The following ARHGAP26 variants were observed in gnomAD, a reference collection of about 807,000 sequenced individuals.
ARHGAP26 encodes rho GTPase-activating protein 26.
ARHGAP26 carries 38 observed loss-of-function variants against 104.8 expected under a neutral mutation model. The ratio of observed to expected loss-of-function variants is 0.36; its 90% CI spans 0.28 to 0.48. The LOEUF is 0.48. ARHGAP26 is among the 20% of genes least tolerant of loss of function. The pLI is 0.99. For synonymous variants in ARHGAP26, 341 were observed against 340.0 expected, an observed-to-expected ratio of 1.00 and a Z score of -0.03; for missense variants, 704 against 947.9, an observed-to-expected ratio of 0.74 and a Z score of 3.38.
intron 11 of ARHGAP26, among the ~76,000 whole-genome samples, chr5:142,993,198 T>C (rs1310212485): frequency 6.8e-6 from 1 of 146,198 alleles, no homozygotes; most frequent in Non-Finnish European, 1.5e-5. Flanking sequence ...AGTCTCGCTC[T>C]GTCGCCCAGG....
chr5:143,000,965 A>G (rs1389550812), intron 11 of ARHGAP26, among the ~76,000 whole-genome samples: 1 of 152,160 alleles, frequency 6.6e-6, no homozygotes, highest in African/African-American at 2.4e-5. Flanking sequence ...GGATAGGTGC[A>G]GCAAACTAAC....
At chr5:142,934,603 T>A (rs1765158065) in intron 11 of ARHGAP26, among the ~76,000 whole-genome samples, 1 of 152,210 alleles carries the variant, frequency 6.6e-6, no homozygotes, top group Admixed American at 6.5e-5. Flanking sequence ...CCCTAATGAG[T>A]TAAATCTGTC....
chr5:142,815,887 T>G (rs553354131), intron 1 of ARHGAP26, among the ~76,000 whole-genome samples: 52 of 152,104 alleles, frequency 3.4e-4, no homozygotes, highest in Non-Finnish European at 1.0e-4. Flanking sequence ...CTCAACCTCC[T>G]GGGCTCAAGT....
chr5:142,862,847 T>A (rs977986430), intron 1 of ARHGAP26, among the ~76,000 whole-genome samples: 1 of 152,218 alleles, frequency 6.6e-6, no homozygotes, highest in Non-Finnish European at 1.5e-5. Context: ...TTAATCTAAT[T>A]GAGCCAGCAC....
chr5:142,860,213 A>G (rs1161024095), intron 1 of ARHGAP26: 1 of 152,248 alleles, frequency 6.6e-6, no homozygotes, highest in African/African-American at 2.4e-5. Context: ...CAAGACAGCT[A>G]CAGCAGAGCA....
chr5:143,012,564 T>TATATATAC (rs1779004524), intron 11 of ARHGAP26, among the ~76,000 whole-genome samples: 2 of 77,772 alleles, frequency 2.6e-5, no homozygotes, highest in Non-Finnish European at 6.2e-5. Context: ...TATATATATA[T>TATATATAC]ATATATATAT....
rs907121882 is a variant in ARHGAP26 at position 142,952,696 on chromosome 5, T to C, written c.1107+20571T>C. 5.9e-5 allele frequency among the ~76,000 whole-genome samples: 9 copies of C among 152,148 alleles called. No individual in the cohort carries two copies. In the South Asian group the frequency reaches 1.2e-3, roughly 21 times the overall value. On this transcript the variant is annotated intron_variant, in intron 11 of 22. Transcript: ENST00000645722. The stretch of plus-strand genomic sequence containing the variant: ...CAATTGGGTGTTACTGTATATATTT[T>C]TTAGCATCCCAGCTAAAAAATCTTT...
intron 20 of ARHGAP26, among the ~76,000 whole-genome samples, chr5:143,162,374 G>A (rs952932506): frequency 1.3e-5 from 2 of 151,846 alleles, no homozygotes; most frequent in African/African-American, 4.8e-5. Context: ...GAGGAAATAT[G>A]TCCTTAGTCA....
intron 10 of ARHGAP26, among the ~76,000 whole-genome samples, chr5:142,919,978 G>A (rs1281159515): frequency 2.0e-5 from 3 of 152,056 alleles, no homozygotes; most frequent in African/African-American, 7.3e-5. Flanking sequence ...CTCCAGCCTG[G>A]GTGACAGAGG....
chr5:142,912,637 A>C (rs1474272755), intron 9 of ARHGAP26, among the ~76,000 whole-genome samples: 1 of 152,234 alleles, frequency 6.6e-6, no homozygotes. Context: ...CCCAGGAGAC[A>C]AAAGTAAGCA....
At chr5:143,046,611 C>G (rs2150186161) in intron 14 of ARHGAP26, among the ~76,000 whole-genome samples, 1 of 152,278 alleles carries the variant, frequency 6.6e-6, no homozygotes, top group African/African-American at 2.4e-5. Context: ...TTGCAGATTC[C>G]TAGAAATAGA....
At chr5:142,801,584 C>A (rs1762077914) in intron 1 of ARHGAP26, among the ~76,000 whole-genome samples, 1 of 151,588 alleles carries the variant, frequency 6.6e-6, no homozygotes, top group South Asian at 2.1e-4. Flanking sequence ...TTCAAGGCTG[C>A]CTGCTAAGGT....
At chr5:143,139,011 T>C (rs1187367072) in intron 19 of ARHGAP26, among the ~76,000 whole-genome samples, 2 of 152,210 alleles carry the variant, frequency 1.3e-5, no homozygotes, top group Non-Finnish European at 2.9e-5. Context: ...TTAGCTGTTG[T>C]GACCTAGTCC....
chr5:143,167,340 G>T (rs1378549952), intron 20 of ARHGAP26, among the ~76,000 whole-genome samples: 1 of 148,994 alleles, frequency 6.7e-6, no homozygotes, highest in African/African-American at 2.5e-5. Context: ...AAATTAGCTG[G>T]GCCTGATGGC....
intron 20 of ARHGAP26, among the ~76,000 whole-genome samples, chr5:143,153,722 A>G (rs1800120528): frequency 6.6e-6 from 1 of 152,202 alleles, no homozygotes; most frequent in Non-Finnish European, 1.5e-5. Context: ...CCCCACCCCT[A>G]AAAAATAACT....
rs543585552 is a variant in ARHGAP26, at chr5:143,082,443, A to G, written c.1538+24696A>G. 1.2e-4 allele frequency among the ~76,000 whole-genome samples: 18 copies of G among 152,350 alleles called. No homozygotes were observed. The East Asian group carries it at 3.5e-3, about 29-fold the overall frequency. On this transcript the variant is annotated intron_variant, in intron 17 of 22. Transcript: ENST00000645722. The stretch of plus-strand genomic sequence containing the variant: ...TTTATGAGGAACATAAAAAATAATA[A>G]AATTAGTTTGAATTTGTTGAAAACC...
At chr5:143,039,618 TA>T (rs552827480) in intron 13 of ARHGAP26, among the ~76,000 whole-genome samples, 190 of 144,352 alleles carry the variant, frequency 1.3e-3, no homozygotes, top group African/African-American at 1.5e-3. Flanking sequence ...AAAGCGAGTC[TA>T]AAAAAAAAAA....
Position 142,963,181 on chromosome 5 carries a change from T to TATATATACAC in ARHGAP26, c.1107+31063_1107+31064insCACATATATA, listed in dbSNP as rs1554172166. 1.8e-5 allele frequency among the ~76,000 whole-genome samples: 2 copies of TATATATACAC among 111,570 alleles called. 1 individual carries two copies. The highest frequency in any genetic ancestry group is 1.0e-4 in the African/African-American group (2 of 19,602). The allele number at this position is 111,570 out of a possible 152,430, so 73.2% of individuals were successfully genotyped here. A position where few individuals can be genotyped will look rare whatever the true frequency, so the allele number is the denominator to read the frequency against. ...ATTCCATGGTATATATGTATATATA[T>TATATATACAC]ATATATATATATATATATGTGTGTG... On this transcript the variant is annotated intron_variant, in intron 11 of 22. Transcript: ENST00000645722.
In ARHGAP26 at chr5:143,227,548, C is replaced by G; in HGVS notation, c.*5102C>G. ...TGACAACAGCAGCAGAGCAGCGAAT[C>G]TTGCACAGCCCCACAGCATGCCTGA... On this transcript the variant is annotated 3_prime_UTR_variant, in exon 23 of 23. Transcript: ENST00000645722. The G allele has an allele frequency of 4.3e-6, 1 of 230,742 alleles. No homozygotes were observed. Among genetic ancestry groups the G allele is most frequent in the East Asian group, 6.1e-5 (1 of 16,302 alleles). 14.3% of individuals were successfully genotyped at this position (230,742 alleles called of 1,614,324 possible).
Sources: gnomAD v4.1 joint callset for allele counts (sites outside exome capture counted in the v4.1 genomes callset) on GRCh38, gnomAD v4.1.1 for gene constraint, MANE v1.5 for transcripts, NCBI Gene and HGNC (gene_info 2026-07-23, HGNC 2026-07-21) for gene names.